DLG5: variants seen among roughly 807,000 people sequenced by gnomAD.
DLG5 encodes discs large MAGUK scaffold protein 5.
Under a neutral mutation model 189.8 loss-of-function variants are expected in DLG5, and 48 were observed. That is an observed-to-expected ratio of 0.25 (90% CI 0.20 to 0.32). The LOEUF is 0.32. Ranked by LOEUF, DLG5 falls within the 10% of genes least tolerant of loss-of-function variation. The pLI, the probability that DLG5 is intolerant of heterozygous loss-of-function variation, is 1.00. For missense variants in DLG5, 2,160 were observed against 2,544.7 expected, an observed-to-expected ratio of 0.85 and a Z score of 3.25; for synonymous variants, 1,016 against 1,054.1, an observed-to-expected ratio of 0.96 and a Z score of 0.70.
At chr10:77,824,615 G>T in intron 13 of DLG5, 139 bp from the exon 14 acceptor site, 2 of 656,418 alleles carry the variant, frequency 3.0e-6, no homozygotes, top group Non-Finnish European at 2.6e-6. Context: ...GCAAAGGATA[G>T]AGGTCTTTCT....
Position 77,824,509 on chromosome 10 carries a change from G to T in DLG5, c.2290-33C>A, listed in dbSNP as rs974189530. ...AGGACAGAGAGCATGTCAGGCCACA[G>T]GCAGAGCGGCCTCAGGCCTACCAGT... On this transcript the variant is annotated intron_variant, in intron 13 of 31. Coordinates refer to ENST00000372391, the MANE Select transcript of DLG5 (RefSeq NM_004747.4). 3.2e-6 allele frequency: 5 copies of T among 1,568,164 alleles called. No individual in the cohort carries two copies. The African/African-American group carries it at 6.8e-5, about 21-fold the overall frequency.
intron 14 of DLG5, 145 bp downstream of exon 14, chr10:77,824,239 G>C: frequency 1.6e-6 from 1 of 609,660 alleles, no homozygotes; most frequent in East Asian, 2.9e-5. Flanking sequence ...CCAGCGTCCA[G>C]TCAGGGTTCC....
At chr10:77,922,726 CAG>C (rs1846572232) in intron 1 of DLG5, among the ~76,000 whole-genome samples, 1 of 152,134 alleles carries the variant, frequency 6.6e-6, no homozygotes, top group Non-Finnish European at 1.5e-5. Context: ...GGGGCTGCCA[CAG>C]AGTTAATGAG....
At position 77,791,343 on chromosome 10, in the gene DLG5, CA is replaced by C. The variant is rs878924621; in HGVS notation, c.*1096del. 1,233 of 122,660 alleles carry C rather than the reference CA, an allele frequency of 0.01. 10 individuals carry two copies. The highest frequency in any genetic ancestry group is 0.023 in the African/African-American group (781 of 33,490). The allele number at this position is 122,660 out of a possible 1,614,324, so 7.6% of individuals were successfully genotyped here. On this transcript the variant is annotated 3_prime_UTR_variant, in exon 32 of 32. Coordinates refer to ENST00000372391, the MANE Select transcript of DLG5 (RefSeq NM_004747.4). Reference sequence around the variant, plus strand: ...CCAGACATATCTAGCCTCAGAAGTGCAAAAAAAAAAAAAGCCCCCAAACGAA... The same window carrying C: ...CCAGACATATCTAGCCTCAGAAGTGCAAAAAAAAAAAAGCCCCCAAACGAA...
the DLG5 span, among the ~76,000 whole-genome samples, chr10:77,933,225 G>A: frequency 6.6e-6 from 1 of 151,982 alleles, no homozygotes; most frequent in Non-Finnish European, 1.5e-5. Flanking sequence ...CCTTTATTAA[G>A]GTTTATCAGT....
intron 1 of DLG5, among the ~76,000 whole-genome samples, chr10:77,920,863 T>C (rs1409635770): frequency 6.6e-6 from 1 of 152,102 alleles, no homozygotes; most frequent in Admixed American, 6.5e-5. Context: ...CATCCAAAGG[T>C]TGTGGAATAT....
chr10:77,855,976 C>T (rs532156403), intron 3 of DLG5, among the ~76,000 whole-genome samples: 73 of 152,286 alleles, frequency 4.8e-4, no homozygotes, highest in Non-Finnish European at 9.0e-4. Flanking sequence ...GTATCTACCT[C>T]TAAATCACAA....
In DLG5 at chr10:77,830,887, G is replaced by C; in HGVS notation, c.1749-14C>G. On this transcript the variant is annotated splice_polypyrimidine_tract_variant and intron_variant, in intron 9 of 31. Coordinates refer to ENST00000372391, the MANE Select transcript of DLG5 (RefSeq NM_004747.4). Reference sequence around the variant, plus strand: ...TCCATCTGTTCCCTGTGAACAGAGAGAGCCACGGTGACAGCCCCTTGGGAG... The same window carrying C: ...TCCATCTGTTCCCTGTGAACAGAGACAGCCACGGTGACAGCCCCTTGGGAG... 1.2e-6 allele frequency: 2 copies of C among 1,613,456 alleles called. No individual in the cohort carries two copies. The highest frequency in any genetic ancestry group is 1.7e-6 in the Non-Finnish European group (2 of 1,179,670).
chr10:77,871,565 CAG>C (rs1279495143), intron 1 of DLG5, among the ~76,000 whole-genome samples: 1 of 55,226 alleles, frequency 1.8e-5, no homozygotes, highest in Non-Finnish European at 3.7e-5. Flanking sequence ...TTTTTTGAGA[CAG>C]AGTCTTGCAC....
chr10:77,796,549 G>C lies in DLG5; in HGVS notation c.5210C>G (p.Thr1737Ser). 6.2e-7 allele frequency: 1 copy of C among 1,614,132 alleles called. No individual in the cohort carries two copies. Among genetic ancestry groups the C allele is most frequent in the Non-Finnish European group, 8.5e-7 (1 of 1,180,030 alleles). The change falls in exon 28 of 32, where the codon ACC (threonine) becomes AGC (serine). Residue 1737 changes from threonine (T) to serine (S), a missense_variant. Physicochemically the swap from Thr to Ser is moderately conservative, Grantham distance 58. Coordinates refer to ENST00000372391, the MANE Select transcript of DLG5 (RefSeq NM_004747.4). The surrounding 1 kb of genome is among the most constrained non-coding windows in gnomAD (Gnocchi z 5.2). ...CAGAATCAGGACAGGCCTCAGAGCG[G>C]TGCAGTCCACCTTCTGGACCCGCTG... Reference protein sequence around the residue: ...AYQRVQKVDCTALRPVLILGP... With the variant: ...AYQRVQKVDCSALRPVLILGP...
chr10:77,792,620 ACT>A (rs1363617701), intron 31 of DLG5, 77 bp from the exon 32 acceptor site: 2 of 1,304,296 alleles, frequency 1.5e-6, no homozygotes, highest in Non-Finnish European at 2.2e-6. Flanking sequence ...TACAGCTTGC[ACT>A]CTTTCTACTG....
chr10:77,912,850 C>T (rs1387149077), intron 1 of DLG5, among the ~76,000 whole-genome samples: 1 of 152,182 alleles, frequency 6.6e-6, no homozygotes, highest in Non-Finnish European at 1.5e-5. Context: ...TGGTGCTTCC[C>T]TCTCCCACAT....
intron 1 of DLG5, among the ~76,000 whole-genome samples, chr10:77,901,128 A>G (rs1291837230): frequency 2.6e-5 from 4 of 151,988 alleles, no homozygotes; most frequent in Middle Eastern, 3.4e-3. Flanking sequence ...AAAAAAAAAA[A>G]AAAGAAAAGA....
At position 77,792,237 on chromosome 10, in the gene DLG5, C is replaced by T. The variant is rs549332883; in HGVS notation, c.*203G>A. On this transcript the variant is annotated 3_prime_UTR_variant, in exon 32 of 32. Coordinates refer to ENST00000372391, the MANE Select transcript of DLG5 (RefSeq NM_004747.4). ...TTTGTGTTAAAGCACACGTGTGACA[C>T]GGGCAGAGTGTGTGGGCCTGGGCCT... The T allele has an allele frequency of 1.2e-5, 7 of 603,180 alleles. No homozygotes were observed. Among genetic ancestry groups the T allele is most frequent in the Admixed American group, 2.9e-5 (1 of 34,096 alleles). The allele number at this position is 603,180 out of a possible 1,614,324, so 37.4% of individuals were successfully genotyped here.
intron 14 of DLG5, 105 bp downstream of exon 14, chr10:77,824,279 C>A (rs748156238): frequency 1.2e-5 from 10 of 835,756 alleles, no homozygotes; most frequent in Non-Finnish European, 1.5e-5. Flanking sequence ...AAATGCCCAC[C>A]CTGTTCTCAA....
intron 5 of DLG5, among the ~76,000 whole-genome samples, chr10:77,851,501 GGGACA>G (rs1300194547): frequency 9.9e-5 from 15 of 152,200 alleles, no homozygotes; most frequent in African/African-American, 3.6e-4. Flanking sequence ...GGTGCGAGAA[GGGACA>G]GTCTTCCTGC....
Position 77,819,864 on chromosome 10 carries a change from C to T in DLG5, c.3526+31G>A, listed in dbSNP as rs776279499. 18 of 1,526,096 alleles carry T rather than the reference C, an allele frequency of 1.2e-5. No homozygotes were observed. In the South Asian group the frequency reaches 2.3e-4, roughly 20 times the overall value. The allele number at this position is 1,526,096 out of a possible 1,614,324, so 94.5% of individuals were successfully genotyped here. A position where few individuals can be genotyped will look rare whatever the true frequency, so the allele number is the denominator to read the frequency against. On this transcript the variant is annotated intron_variant, in intron 16 of 31. Coordinates refer to ENST00000372391, the MANE Select transcript of DLG5 (RefSeq NM_004747.4). ...TAGGCATCCCGAGTTTACACCGACC[C>T]TCAGCCCCAGCCCCTGGCTGGCTGA...
intron 1 of DLG5, among the ~76,000 whole-genome samples, chr10:77,890,353 C>T (rs1184892699): frequency 6.6e-6 from 1 of 152,166 alleles, no homozygotes; most frequent in Non-Finnish European, 1.5e-5. Context: ...CTCTCCACTG[C>T]CACGATGTGG....
At chr10:77,817,602 T>C (rs1603641245) in intron 18 of DLG5, among the ~76,000 whole-genome samples, 175 bp downstream of exon 18, 2 of 152,228 alleles carry the variant, frequency 1.3e-5, no homozygotes, top group Admixed American at 6.5e-5. Context: ...GACAGCAGCA[T>C]GGGCATGGCT....
Sources: allele counts gnomAD v4.1 joint callset (sites outside exome capture counted in the v4.1 genomes callset), GRCh38; gene constraint gnomAD v4.1.1; non-coding constraint Gnocchi (gnomAD v3.1); transcripts MANE v1.5; gene names NCBI Gene and HGNC (gene_info 2026-07-23, HGNC 2026-07-21).